Variants in TTC3 observed in about 807,000 individuals in gnomAD.
The protein encoded by TTC3 is E3 ubiquitin-protein ligase TTC3.
Under a neutral mutation model 249.6 loss-of-function variants are expected in TTC3, and 180 were observed. That is an observed-to-expected ratio of 0.72 (90% CI 0.64 to 0.82). The LOEUF is 0.82. Ranked by LOEUF, TTC3 falls within the 40% of genes least tolerant of loss-of-function variation. The probability of loss-of-function intolerance (pLI) is 0.00; values close to 1 mark genes in which losing one functional copy is unlikely to be tolerated. For synonymous variants in TTC3, 717 were observed against 805.0 expected (o/e 0.89, Z 1.85); for missense variants, 2,061 against 2,398.4 (o/e 0.86, Z 2.94).
exon 44 of TTC3, chr21:37,198,017 G>C (rs1235419388): frequency 6.2e-7 from 1 of 1,609,242 alleles, no homozygotes; most frequent in Non-Finnish European, 8.5e-7. Context: ...AGATGTCCCT[G>C]TGAGGATTGT....
At chr21:37,179,288 A>G (rs2082540619) in intron 35 of TTC3, among the ~76,000 whole-genome samples, 1 of 152,178 alleles carries the variant, frequency 6.6e-6, no homozygotes, top group Admixed American at 6.6e-5. Context: ...CCCTGTCTCA[A>G]AAAAACAAAA....
chr21:37,090,748 A>G (rs1305407499), intron 6 of TTC3, among the ~76,000 whole-genome samples: 1 of 152,190 alleles, frequency 6.6e-6, no homozygotes, highest in Non-Finnish European at 1.5e-5. Flanking sequence ...TACAAATAAC[A>G]TTTCTGTGAA....
chr21:37,186,415 G>A (rs986566153), intron 37 of TTC3, among the ~76,000 whole-genome samples: 1 of 152,130 alleles, frequency 6.6e-6, no homozygotes, highest in African/African-American at 2.4e-5. Flanking sequence ...GATAGGGAAT[G>A]TTTTATAAAG....
At chr21:37,087,848 G>A (rs918756474) in exon 3 of TTC3, 1 of 1,595,180 alleles carries the variant, frequency 6.3e-7, no homozygotes, top group Non-Finnish European at 8.5e-7. Flanking sequence ...GCAATATAAA[G>A]ATTATATCCA....
intron 18 of TTC3, among the ~76,000 whole-genome samples, chr21:37,136,540 C>T (rs1247942766): frequency 6.6e-6 from 1 of 152,194 alleles, no homozygotes; most frequent in Non-Finnish European, 1.5e-5. Context: ...GACTCTAACT[C>T]TTCTATTCTG....
At chr21:37,107,110 G>T (rs1252501950) in intron 10 of TTC3, among the ~76,000 whole-genome samples, 8 of 149,292 alleles carry the variant, frequency 5.4e-5, no homozygotes, top group Admixed American at 2.7e-4. Flanking sequence ...CCTTTTAGTA[G>T]GTATTGATAT....
chr21:37,091,942 A>G (rs2073332220), intron 7 of TTC3, among the ~76,000 whole-genome samples: 1 of 152,186 alleles, frequency 6.6e-6, no homozygotes, highest in Admixed American at 6.6e-5. Flanking sequence ...TATTTTTATG[A>G]CATTGTACTT....
At chr21:37,181,830 T>G (rs141099667) in intron 35 of TTC3, among the ~76,000 whole-genome samples, 94 of 152,346 alleles carry the variant, frequency 6.2e-4, no homozygotes, top group South Asian at 1.9e-3. Context: ...TTGACTTTAG[T>G]GTCCTTTCTT....
At position 37,123,188 on chromosome 21, in the gene TTC3, G is replaced by T. The variant is rs1469668740; in HGVS notation, c.1109+160G>T. Among the ~76,000 whole-genome samples, 4 of 152,196 alleles carry T rather than the reference G, an allele frequency of 2.6e-5. No individual in the cohort carries two copies. In the East Asian group the frequency reaches 7.7e-4, roughly 29 times the overall value. On this transcript the variant is annotated intron_variant, in intron 13 of 45. Coordinates refer to ENST00000355666, the Ensembl canonical transcript of TTC3. ...GTTTTTTAAGTGTCCGTGTTATCAG[G>T]TGACCTGTAAGTTGTCAGATTTATT...
intron 22 of TTC3, 87 bp from the exon 23 acceptor site, chr21:37,148,459 G>A (rs2079168307): frequency 3.5e-6 from 2 of 573,284 alleles, no homozygotes; most frequent in African/African-American, 3.9e-5. Context: ...TGTTAGTCAA[G>A]CTCTCTCTGT....
At chr21:37,201,681 G>GTCACA (rs2085520959) in exon 46 of TTC3, 2 of 1,383,316 alleles carry the variant, frequency 1.4e-6, no homozygotes, top group East Asian at 4.7e-5. Context: ...TGCATTGTGT[G>GTCACA]TCACAAAGCT....
At chr21:37,157,174 A>G (rs1266321507) in intron 28 of TTC3, 1 of 1,376,986 alleles carries the variant, frequency 7.3e-7, no homozygotes, top group East Asian at 4.1e-5. Context: ...TTTTCACAGC[A>G]TCATGGGAAA....
At chr21:37,137,378 A>G (rs1473903214) in intron 18 of TTC3, among the ~76,000 whole-genome samples, 1 of 152,212 alleles carries the variant, frequency 6.6e-6, no homozygotes, top group African/African-American at 2.4e-5. Flanking sequence ...AGATCAAAAT[A>G]TCAACATTTA....
chr21:37,187,167 A>G, intron 38 of TTC3, 22 bp downstream of exon 38: 1 of 1,503,598 alleles, frequency 6.7e-7, no homozygotes, highest in Non-Finnish European at 9.0e-7. Flanking sequence ...ACACTTAGTG[A>G]CCACTATGGC....
intron 7 of TTC3, 143 bp from the exon 8 acceptor site, chr21:37,093,862 A>C: frequency 2.0e-6 from 1 of 506,082 alleles, no homozygotes; most frequent in Non-Finnish European, 3.5e-6. Context: ...AAAAGGTTAC[A>C]AGAAACATGT....
chr21:37,156,606 A>G, intron 27 of TTC3, 49 bp from the exon 28 acceptor site: 6 of 1,561,054 alleles, frequency 3.8e-6, no homozygotes, highest in Non-Finnish European at 5.2e-6. Flanking sequence ...GTGATTTTAC[A>G]GTAAATAATT....
intron 18 of TTC3, among the ~76,000 whole-genome samples, chr21:37,137,078 T>A (rs916296284): frequency 6.6e-6 from 1 of 152,208 alleles, no homozygotes; most frequent in African/African-American, 2.4e-5. Context: ...AAAAGATTCT[T>A]TGCAAAATAC....
intron 34 of TTC3, among the ~76,000 whole-genome samples, chr21:37,171,239 A>T (rs76857021): frequency 6.6e-6 from 1 of 152,144 alleles, no homozygotes; most frequent in Non-Finnish European, 1.5e-5. Flanking sequence ...TTGACCATCA[A>T]ATGAATGTTT....
intron 17 of TTC3, 108 bp downstream of exon 17, chr21:37,132,874 T>TA: frequency 8.1e-6 from 6 of 742,124 alleles, no homozygotes; most frequent in Non-Finnish European, 1.0e-5. Flanking sequence ...TTTATATAAT[T>TA]ATTGTATTAT....
Sources: gnomAD v4.1 joint callset for allele counts (sites outside exome capture counted in the v4.1 genomes callset) on GRCh38, gnomAD v4.1.1 for gene constraint, MANE v1.5 for transcripts, NCBI Gene and HGNC (gene_info 2026-07-23, HGNC 2026-07-21) for gene names.